Variants in NEGR1 observed in about 807,000 individuals in gnomAD.
The protein encoded by NEGR1 is IgLON family member 4.
A neutral mutation model predicts 40.9 loss-of-function variants in NEGR1; 10 were observed. That is an observed-to-expected ratio of 0.24 (90% CI 0.15 to 0.42). The LOEUF (loss-of-function observed/expected upper bound fraction) is 0.42, where lower values mean the gene tolerates loss of function less well. Among genes scored for constraint, NEGR1 ranks in the 10% least tolerant of loss-of-function variants. The probability of loss-of-function intolerance (pLI) is 1.00; values close to 1 mark genes in which losing one functional copy is unlikely to be tolerated. For missense variants in NEGR1, 352 were observed against 438.9 expected (o/e 0.80, Z 1.77); for synonymous variants, 185 against 166.8 (o/e 1.11, Z -0.84).
chr1:72,275,241 T>C (rs1337876799), intron 1 of NEGR1: 2 of 580,136 alleles, frequency 3.4e-6, no homozygotes. Flanking sequence ...TTATTCATAA[T>C]GATCTTAAAA....
chr1:71,630,397 T>A (rs115043606), intron 4 of NEGR1, among the ~76,000 whole-genome samples: 46 of 152,054 alleles, frequency 3.0e-4, no homozygotes, highest in Non-Finnish European at 6.2e-4. Flanking sequence ...GTTCAGTGTC[T>A]TAATTTGAAT....
intron 6 of NEGR1, among the ~76,000 whole-genome samples, chr1:71,411,072 T>C (rs1557517034): frequency 1.3e-5 from 2 of 152,186 alleles, no homozygotes; most frequent in African/African-American, 4.8e-5. Flanking sequence ...ATATCTTTTA[T>C]CTTTGATACT....
intron 1 of NEGR1, among the ~76,000 whole-genome samples, chr1:72,045,625 G>A (rs1646994102): frequency 1.3e-5 from 2 of 151,736 alleles, no homozygotes; most frequent in South Asian, 2.1e-4. Context: ...TGCCATGATT[G>A]TGAGACCTCC....
intron 1 of NEGR1, among the ~76,000 whole-genome samples, chr1:72,160,427 T>C (rs1297523564): frequency 2.0e-5 from 3 of 152,150 alleles, no homozygotes; most frequent in Non-Finnish European, 2.9e-5. Context: ...CTATTAGAAT[T>C]ACAACTTTAA....
intron 6 of NEGR1, among the ~76,000 whole-genome samples, chr1:71,446,585 T>G (rs1362854111): frequency 6.6e-6 from 1 of 152,200 alleles, no homozygotes; most frequent in African/African-American, 2.4e-5. Context: ...TTAGCATGTT[T>G]AGTTAGATTT....
At chr1:71,955,387 C>G (rs1399468204) in intron 1 of NEGR1, among the ~76,000 whole-genome samples, 3 of 152,024 alleles carry the variant, frequency 2.0e-5, no homozygotes, top group African/African-American at 7.2e-5. Context: ...AATATTGTCC[C>G]TTTCCTACTT....
chr1:71,895,675 C>A (rs952040395), intron 2 of NEGR1, among the ~76,000 whole-genome samples: 2 of 152,192 alleles, frequency 1.3e-5, no homozygotes, highest in African/African-American at 4.8e-5. Context: ...GGCTCTATCA[C>A]ATTTGTTTAA....
At chr1:71,624,331 C>G (rs1650699739) in intron 4 of NEGR1, among the ~76,000 whole-genome samples, 1 of 151,894 alleles carries the variant, frequency 6.6e-6, no homozygotes, top group Non-Finnish European at 1.5e-5. Flanking sequence ...TTTCAGTAGT[C>G]TCCTAATTGG....
chr1:72,079,838 T>C (rs1647911647), intron 1 of NEGR1, among the ~76,000 whole-genome samples: 1 of 152,132 alleles, frequency 6.6e-6, no homozygotes, highest in South Asian at 2.1e-4. Context: ...GTTTTACTCA[T>C]TTTAATTACA....
intron 1 of NEGR1, among the ~76,000 whole-genome samples, chr1:72,194,235 A>C (rs1358505284): frequency 2.6e-5 from 4 of 151,878 alleles, no homozygotes; most frequent in Non-Finnish European, 5.9e-5. Flanking sequence ...ATTATATAAT[A>C]TCTCTCTCAG....
At chr1:71,726,369 G>A (rs1203645735) in intron 3 of NEGR1, among the ~76,000 whole-genome samples, 1 of 152,050 alleles carries the variant, frequency 6.6e-6, no homozygotes, top group Non-Finnish European at 1.5e-5. Context: ...CATGATAACT[G>A]CATTAAGCAT....
intron 1 of NEGR1, among the ~76,000 whole-genome samples, chr1:72,170,673 C>A (rs553516012): frequency 6.6e-6 from 1 of 152,158 alleles, no homozygotes; most frequent in Non-Finnish European, 1.5e-5. Context: ...CTGAAACAAC[C>A]AAGTTTGCTT....
chr1:71,993,119 AT>A (rs1646469794), intron 1 of NEGR1, among the ~76,000 whole-genome samples: 1 of 152,218 alleles, frequency 6.6e-6, no homozygotes, highest in South Asian at 2.1e-4. Context: ...AGGTTGCTTC[AT>A]GGCCAAATTT....
Position 72,026,618 on chromosome 1 carries a change from T to G in NEGR1, c.177-91307A>C, listed in dbSNP as rs1216726391. Among the ~76,000 whole-genome samples the G allele has an allele frequency of 2.0e-5, 3 of 152,124 alleles. No individual in the cohort carries two copies. In the East Asian group the frequency reaches 5.8e-4, roughly 29 times the overall value. ...GTCTTCAAGCCACAGTGATTTGGCTTCTTCTGACCCTCTCTCTCTCCTGAA... is the reference window on the plus strand; with the variant it reads ...GTCTTCAAGCCACAGTGATTTGGCTGCTTCTGACCCTCTCTCTCTCCTGAA... On this transcript the variant is annotated intron_variant, in intron 1 of 6. Transcript: ENST00000357731.
chr1:71,942,792 G>A (rs1312439249), intron 1 of NEGR1, among the ~76,000 whole-genome samples: 3 of 148,408 alleles, frequency 2.0e-5, no homozygotes, highest in Admixed American at 6.8e-5. Flanking sequence ...GTGAGCCACC[G>A]CGCCCGGCCT....
chr1:71,981,329 T>C (rs1646352577), intron 1 of NEGR1, among the ~76,000 whole-genome samples: 1 of 152,014 alleles, frequency 6.6e-6, no homozygotes, highest in Non-Finnish European at 1.5e-5. Flanking sequence ...CAATGCCCAG[T>C]AGGAGGACGC....
At chr1:71,861,243 C>T (rs982012989) in intron 2 of NEGR1, among the ~76,000 whole-genome samples, 3 of 151,966 alleles carry the variant, frequency 2.0e-5, no homozygotes, top group African/African-American at 4.8e-5. Context: ...AATGATGACA[C>T]CTACCTCCTG....
intron 1 of NEGR1, among the ~76,000 whole-genome samples, chr1:72,152,483 T>G (rs958675388): frequency 6.6e-6 from 1 of 152,024 alleles, no homozygotes; most frequent in African/African-American, 2.4e-5. Flanking sequence ...CAAGAGTTGT[T>G]GTTGATAAAG....
intron 4 of NEGR1, among the ~76,000 whole-genome samples, chr1:71,615,722 C>A (rs1650426377): frequency 1.3e-5 from 2 of 152,046 alleles, no homozygotes; most frequent in South Asian, 4.1e-4. Context: ...TTATTCTAAG[C>A]TGATAAGGTT....
Sources: allele counts gnomAD v4.1 joint callset (sites outside exome capture counted in the v4.1 genomes callset), GRCh38; gene constraint gnomAD v4.1.1; transcripts MANE v1.5; gene names NCBI Gene and HGNC (gene_info 2026-07-23, HGNC 2026-07-21).